The following CNTN5 variants were observed in gnomAD, a reference collection of about 807,000 sequenced individuals.
The protein encoded by CNTN5 is contactin 5, also known as contactin-5.
Under a neutral mutation model 129.1 loss-of-function variants are expected in CNTN5, and 77 were observed. That is an observed-to-expected ratio of 0.60 (90% confidence interval 0.50 to 0.72). The LOEUF is 0.72. CNTN5 is among the 30% of genes least tolerant of loss of function. The pLI, the probability that CNTN5 is intolerant of heterozygous loss-of-function variation, is 0.00. For synonymous variants in CNTN5, 509 were observed against 465.6 expected (o/e 1.09, Z -1.20); for missense variants, 1,478 against 1,328.8 (o/e 1.11, Z -1.75).
rs575986084 is a variant in CNTN5, at chr11:100,060,271, G to T, written c.981-941G>T. 4.8e-4 allele frequency among the ~76,000 whole-genome samples: 72 copies of T among 151,366 alleles called. 1 individual carries two copies. The highest frequency in any genetic ancestry group is 1.7e-3 in the African/African-American group (71 of 41,328). On this transcript the variant is annotated intron_variant, in intron 9 of 24. Coordinates refer to ENST00000524871, the MANE Select transcript of CNTN5 (RefSeq NM_014361.4). ...GCTTTCAATGTTTACCTAAAAGGGGGCAGTTGATTAAGCTGGTACATCTAT... is the reference window on the plus strand; with the variant it reads ...GCTTTCAATGTTTACCTAAAAGGGGTCAGTTGATTAAGCTGGTACATCTAT...
Position 99,965,321 on chromosome 11 carries a change from C to G in CNTN5, c.877+8312C>G. ...TTAGTGCTATAAATTTCCCTATACA[C>G]ACTGCTTTGAATATGTCCCAGAGAT... On this transcript the variant is annotated intron_variant, in intron 8 of 24. Coordinates refer to ENST00000524871, the MANE Select transcript of CNTN5 (RefSeq NM_014361.4). 1.3e-5 allele frequency among the ~76,000 whole-genome samples: 2 copies of G among 151,912 alleles called. 1 individual carries two copies. The highest frequency in any genetic ancestry group is 2.9e-5 in the Non-Finnish European group (2 of 68,000).
chr11:99,063,551 A>C (rs1864975630), intron 1 of CNTN5, among the ~76,000 whole-genome samples: 2 of 131,664 alleles, frequency 1.5e-5, no homozygotes, highest in African/African-American at 2.8e-5. Context: ...TAAATAAATA[A>C]ACGCATGAGC....
chr11:99,492,567 C>T (rs567793068), intron 2 of CNTN5, among the ~76,000 whole-genome samples: 2 of 152,144 alleles, frequency 1.3e-5, no homozygotes, highest in East Asian at 3.9e-4. Flanking sequence ...TTTATTATTA[C>T]TATTAATTTT....
intron 1 of CNTN5, among the ~76,000 whole-genome samples, chr11:99,279,086 C>T (rs1863579611): frequency 6.6e-6 from 1 of 151,768 alleles, no homozygotes; most frequent in Non-Finnish European, 1.5e-5. Context: ...GTACTCTATC[C>T]TTGCCACTCT....
chr11:99,384,045 A>G (rs1034106731), intron 2 of CNTN5, among the ~76,000 whole-genome samples: 4 of 152,212 alleles, frequency 2.6e-5, no homozygotes, highest in African/African-American at 9.6e-5. Context: ...AAACATTACT[A>G]GTGCGTTGCT....
chr11:100,306,706 T>C (rs1236839864), intron 20 of CNTN5, among the ~76,000 whole-genome samples: 2 of 151,708 alleles, frequency 1.3e-5, no homozygotes, highest in South Asian at 2.1e-4. Flanking sequence ...AAAATGTCCA[T>C]TGCAAGTCTG....
intron 6 of CNTN5, among the ~76,000 whole-genome samples, chr11:99,853,634 T>G (rs895709033): frequency 6.6e-6 from 1 of 152,030 alleles, no homozygotes; most frequent in Non-Finnish European, 1.5e-5. Flanking sequence ...CTCCCAACTT[T>G]AGGTGATCCT....
At chr11:100,082,641 A>C (rs986546105) in intron 13 of CNTN5, among the ~76,000 whole-genome samples, 1 of 152,122 alleles carries the variant, frequency 6.6e-6, no homozygotes, top group Non-Finnish European at 1.5e-5. Flanking sequence ...AAGGACAATG[A>C]TAAAATAATG....
At chr11:99,474,056 C>A (rs1424174099) in intron 2 of CNTN5, among the ~76,000 whole-genome samples, 1 of 151,880 alleles carries the variant, frequency 6.6e-6, no homozygotes, top group Non-Finnish European at 1.5e-5. Flanking sequence ...CTCTTTATTG[C>A]ACCAAAACAA....
At chr11:100,040,933 GT>G (rs1942342378) in intron 9 of CNTN5, among the ~76,000 whole-genome samples, 2 of 152,132 alleles carry the variant, frequency 1.3e-5, no homozygotes, top group African/African-American at 4.8e-5. Context: ...CCCGAGTGAG[GT>G]GATTCCTCGC....
intron 1 of CNTN5, among the ~76,000 whole-genome samples, chr11:99,166,621 C>A (rs1223630858): frequency 1.3e-5 from 2 of 151,830 alleles, no homozygotes; most frequent in Admixed American, 6.6e-5. Context: ...GATTTTATAT[C>A]CTCCATTAAT....
At chr11:99,486,494 TAGTC>T (rs1172687016) in intron 2 of CNTN5, among the ~76,000 whole-genome samples, 2 of 152,004 alleles carry the variant, frequency 1.3e-5, no homozygotes, top group African/African-American at 2.4e-5. Flanking sequence ...GTTTAGATAA[TAGTC>T]AGTATATTAT....
intron 1 of CNTN5, among the ~76,000 whole-genome samples, chr11:99,032,648 C>T (rs963979864): frequency 1.3e-5 from 2 of 151,858 alleles, no homozygotes; most frequent in African/African-American, 2.4e-5. Context: ...TTTGAGTTCA[C>T]TGTAGATTCT....
At chr11:99,737,364 C>T (rs1943746164) in intron 3 of CNTN5, among the ~76,000 whole-genome samples, 1 of 152,122 alleles carries the variant, frequency 6.6e-6, no homozygotes, top group Admixed American at 6.6e-5. Flanking sequence ...ACAAGTGTTA[C>T]ATTACTGTTG....
intron 4 of CNTN5, among the ~76,000 whole-genome samples, chr11:99,836,650 A>G (rs374514468): frequency 6.6e-6 from 1 of 152,108 alleles, no homozygotes. Flanking sequence ...TCCTTTGGGT[A>G]TATACCCAGT....
intron 3 of CNTN5, among the ~76,000 whole-genome samples, chr11:99,623,726 T>G (rs1951031744): frequency 8.4e-6 from 1 of 118,534 alleles, no homozygotes; most frequent in Middle Eastern, 5.4e-3. Context: ...AAAGAATGTT[T>G]AGCAGAGAAA....
chr11:99,814,931 C>T (rs1367980100), intron 3 of CNTN5, among the ~76,000 whole-genome samples: 1 of 152,074 alleles, frequency 6.6e-6, no homozygotes, highest in Non-Finnish European at 1.5e-5. Flanking sequence ...CAGGCACCTT[C>T]TTCACAAGGT....
intron 3 of CNTN5, among the ~76,000 whole-genome samples, chr11:99,735,615 A>G (rs1943680180): frequency 6.6e-6 from 1 of 152,234 alleles, no homozygotes; most frequent in African/African-American, 2.4e-5. Flanking sequence ...AAATTTCTGG[A>G]TAAACGGGAA....
intron 3 of CNTN5, among the ~76,000 whole-genome samples, chr11:99,695,130 A>T (rs1269842730): frequency 6.6e-6 from 1 of 152,074 alleles, no homozygotes; most frequent in Non-Finnish European, 1.5e-5. Context: ...TAAATTAGGT[A>T]GAAGGGTAAT....
Sources: allele counts gnomAD v4.1 joint callset (sites outside exome capture counted in the v4.1 genomes callset), GRCh38; gene constraint gnomAD v4.1.1; transcripts MANE v1.5; gene names NCBI Gene and HGNC (gene_info 2026-07-23, HGNC 2026-07-21).